The following XIST variants were observed in gnomAD, a reference collection of about 807,000 sequenced individuals.
XIST encodes X inactive specific transcript, also known as X inactive specific transcript (non-protein coding).
exon 1 of XIST, chrX:73,850,478 G>A: frequency 1.8e-6 from 1 of 546,740 alleles, no homozygotes; most frequent in Non-Finnish European, 3.3e-6. Context: ...ACATCCAAAA[G>A]ATAAATATAA....
At chrX:73,843,057 A>G (rs968875183) in exon 1 of XIST, 5 of 558,616 alleles carry the variant, frequency 9.0e-6, no homozygotes, top group Non-Finnish European at 1.6e-5. Flanking sequence ...CAATGCTTAT[A>G]CTTTATTATG....
intron 5 of XIST, chrX:73,828,138 A>G (rs1433129018): frequency 2.4e-5 from 10 of 425,410 alleles, no homozygotes; most frequent in Non-Finnish European, 4.0e-5. Flanking sequence ...AACTATTGTT[A>G]CTACGAATAC....
chrX:73,826,967 CCT>C lies in XIST; in HGVS notation n.12932_12933del, dbSNP rs369900632. On this transcript the variant is annotated non_coding_transcript_exon_variant, in exon 6 of 6. Transcript: ENST00000429829. ...AGGCCTTCGGTCCAATTCAGGCCAC[CCT>C]CTGTTTTCTTGGCTCTTGAGGCTTT... The C allele has an allele frequency of 6.9e-4, 382 of 556,901 alleles. 2 individuals are homozygous for C. In the African/African-American group the frequency reaches 7.4e-3, roughly 11 times the overall value. The allele number at this position is 556,901 out of a possible 1,213,427, so 45.9% of individuals were successfully genotyped here. A position where few individuals can be genotyped will look rare whatever the true frequency, so the allele number is the denominator to read the frequency against.
At chrX:73,830,147 G>A (rs1335316491) in intron 4 of XIST, among the ~76,000 whole-genome samples, 1 of 111,001 alleles carries the variant, frequency 9.0e-6, no homozygotes, top group Non-Finnish European at 1.9e-5. Context: ...AGAAGAAGAA[G>A]AAGAAGAAAA....
intron 2 of XIST, among the ~76,000 whole-genome samples, chrX:73,837,170 C>T (rs1922499510): frequency 9.0e-6 from 1 of 111,450 alleles, no homozygotes; most frequent in African/African-American, 3.3e-5. Context: ...TAATTTTACG[C>T]TGGAGAAACC....
chrX:73,843,815 C>CA (rs1922662592), exon 1 of XIST: 1 of 556,829 alleles, frequency 1.8e-6, no homozygotes, highest in African/African-American at 2.2e-5. Flanking sequence ...TGTAATTGCA[C>CA]ATATTAACAG....
chrX:73,839,439 T>C (rs776485000), intron 1 of XIST, among the ~76,000 whole-genome samples: 1 of 111,637 alleles, frequency 9.0e-6, no homozygotes, highest in South Asian at 3.7e-4. Context: ...TTCAGGGATT[T>C]AGGTATTTGA....
At chrX:73,852,038 C>T (rs1410807624) in exon 1 of XIST, 2 of 550,244 alleles carry the variant, frequency 3.6e-6, no homozygotes, top group Admixed American at 2.3e-5. Flanking sequence ...CAGGTATCCG[C>T]GGCCCCGATG....
exon 1 of XIST, chrX:73,844,963 C>A (rs1460046309): frequency 3.6e-6 from 2 of 552,073 alleles, no homozygotes; most frequent in Non-Finnish European, 6.5e-6. Flanking sequence ...GCTTCCATGT[C>A]TTATACACTG....
At chrX:73,827,621 G>A (rs768643046) in exon 6 of XIST, 1 of 550,280 alleles carries the variant, frequency 1.8e-6, no homozygotes, top group East Asian at 3.3e-5. Flanking sequence ...TAAAACGAAC[G>A]AGAAGGGGAA....
In XIST at chrX:73,823,939, G is replaced by C. The variant is rs1345091761; in HGVS notation, n.15962C>G. On this transcript the variant is annotated non_coding_transcript_exon_variant, in exon 6 of 6. Transcript: ENST00000429829. ...CCCCACAGAAAGTAATCACCATTCAGTAAGCCAATAGTTCATTCCTATCTG... is the reference window on the plus strand; with the variant it reads ...CCCCACAGAAAGTAATCACCATTCACTAAGCCAATAGTTCATTCCTATCTG... 6 of 552,771 alleles carry C rather than the reference G, an allele frequency of 1.1e-5. No individual in the cohort carries two copies. The Admixed American group carries it at 1.4e-4, about 12-fold the overall frequency. 45.6% of individuals were successfully genotyped at this position (552,771 alleles called of 1,213,427 possible).
chrX:73,822,114 G>C, exon 6 of XIST: 1 of 558,832 alleles, frequency 1.8e-6, no homozygotes, highest in Non-Finnish European at 3.2e-6. Context: ...AAGTGTAGGT[G>C]GTTCCCCAAG....
exon 1 of XIST, chrX:73,846,724 C>A (rs373681270): frequency 3.6e-6 from 2 of 557,464 alleles, no homozygotes; most frequent in East Asian, 3.3e-5. Context: ...TCGACAAATA[C>A]AATCACACAT....
exon 1 of XIST, chrX:73,841,549 A>C: frequency 1.8e-6 from 1 of 558,732 alleles, no homozygotes; most frequent in Non-Finnish European, 3.2e-6. Context: ...TTGCTTGAGC[A>C]GTTCCATATT....
exon 1 of XIST, chrX:73,850,874 GGAGGGGACAAATAA>G: frequency 1.8e-6 from 1 of 543,764 alleles, no homozygotes; most frequent in Non-Finnish European, 3.3e-6. Flanking sequence ...GCACTGGACA[GGAGGGGACAAATAA>G]GAGGGGACAG....
exon 1 of XIST, chrX:73,843,474 G>C: frequency 1.8e-6 from 1 of 558,062 alleles, no homozygotes; most frequent in Middle Eastern, 3.1e-4. Flanking sequence ...TCCTACACAG[G>C]TCCACAAATA....
At chrX:73,848,371 A>G (rs760205077) in exon 1 of XIST, 1 of 556,076 alleles carries the variant, frequency 1.8e-6, no homozygotes. Flanking sequence ...GGACCTTGAT[A>G]TAAAAGACTC....
chrX:73,846,033 T>C (rs771714807), exon 1 of XIST: 2 of 557,168 alleles, frequency 3.6e-6, no homozygotes. Flanking sequence ...CTTACAACTG[T>C]GCACCTTGAT....
exon 1 of XIST, chrX:73,849,140 C>G (rs753367647): frequency 2.0e-5 from 11 of 557,441 alleles, no homozygotes; most frequent in Non-Finnish European, 3.2e-5. Flanking sequence ...AATGCAAGGG[C>G]GACTGGTAGT....
Sources: allele counts gnomAD v4.1 joint callset (sites outside exome capture counted in the v4.1 genomes callset), GRCh38; gene constraint gnomAD v4.1.1; transcripts MANE v1.5; gene names NCBI Gene and HGNC (gene_info 2026-07-23, HGNC 2026-07-21).